Variants in RNF17 observed in about 807,000 individuals in gnomAD.
RNF17 encodes spermatogenesis associated 23.
Under a neutral mutation model 200.5 loss-of-function variants are expected in RNF17, and 31 were observed. That is an observed-to-expected ratio of 0.15 (90% confidence interval 0.12 to 0.21). The LOEUF (loss-of-function observed/expected upper bound fraction) is 0.21. Among genes scored for constraint, RNF17 ranks in the 10% least tolerant of loss-of-function variants. RNF17 has a pLI of 1.00. For missense variants in RNF17, 1,628 were observed against 1,905.1 expected, an observed-to-expected ratio of 0.85 and a Z score of 2.71; for synonymous variants, 606 against 637.8, an observed-to-expected ratio of 0.95 and a Z score of 0.75.
intron 2 of RNF17, among the ~76,000 whole-genome samples, chr13:24,772,426 A>ATTTTT (rs34066913): frequency 5.4e-4 from 57 of 105,978 alleles, no homozygotes; most frequent in Middle Eastern, 6.8e-3. Context: ...TTGAGTCTCC[A>ATTTTT]TTTTTTTTTT....
At chr13:24,785,956 A>AT (rs1228621791) in intron 6 of RNF17, among the ~76,000 whole-genome samples, 1 of 151,996 alleles carries the variant, frequency 6.6e-6, no homozygotes, top group East Asian at 1.9e-4. Flanking sequence ...GTTGGGTCAT[A>AT]TTTTTTATCC....
chr13:24,797,705 A>AGTTTGTGTGTCTCTGT (rs59493601), intron 11 of RNF17, among the ~76,000 whole-genome samples: 1 of 119,048 alleles, frequency 8.4e-6, no homozygotes, highest in African/African-American at 3.2e-5. Context: ...AGAGACAAAG[A>AGTTTGTGTGTCTCTGT]GTGTGTGTGT....
At position 24,863,456 on chromosome 13, in the gene RNF17, C is replaced by T. The variant is rs575274537; in HGVS notation, c.3975+663C>T. The stretch of plus-strand genomic sequence containing the variant: ...AATAGCATTCAGGAGAGGTAGGGGC[C>T]GGTTGGTGGGGTTGGTAGGGAGAGC... On this transcript the variant is annotated intron_variant, in intron 28 of 35. Transcript: ENST00000255324. Among the ~76,000 whole-genome samples, 31 of 151,998 alleles carry T rather than the reference C, an allele frequency of 2.0e-4. 1 individual carries two copies. Among genetic ancestry groups the T allele is most frequent in the African/African-American group, 6.5e-4 (27 of 41,454 alleles).
intron 15 of RNF17, among the ~76,000 whole-genome samples, chr13:24,808,367 G>T (rs1488849180): frequency 6.6e-6 from 1 of 151,232 alleles, no homozygotes; most frequent in Non-Finnish European, 1.5e-5. Context: ...CACATCCCTT[G>T]TAAGTTGGAT....
rs776154754 is a variant in RNF17, at chr13:24,870,593, T to C, written c.4301T>C (p.Ile1434Thr). The C allele has an allele frequency of 1.2e-6, 2 of 1,613,376 alleles. No homozygotes were observed. Among genetic ancestry groups the C allele is most frequent in the Non-Finnish European group, 1.7e-6 (2 of 1,179,724 alleles). Residue 1434 changes from isoleucine to threonine, a missense_variant, in exon 32 of 36, where the codon ATA becomes ACA. Physicochemically the swap from Ile to Thr is moderately conservative, Grantham distance 89. Around this residue, in one of 5 missense-constraint regions of RNF17, gnomAD observed 609 missense variants for 681.9 expected, o/e 0.89. Coordinates refer to ENST00000255324, the MANE Select transcript of RNF17 (RefSeq NM_031277.3). The part of the protein sequence containing the change: ...PNEVYICLDS[I>T]ETSNQSNQHS... Reference sequence around the variant, plus strand: ...TAGGTGTATATTTGCCTTGATTCTATAGAAACTTCTAACCAGTCTAACCAG... The same window carrying C: ...TAGGTGTATATTTGCCTTGATTCTACAGAAACTTCTAACCAGTCTAACCAG...
chr13:24,815,428 GGTGTGTGTGTGTGTGTGT>G (rs60054136), intron 15 of RNF17, among the ~76,000 whole-genome samples: 1,995 of 144,178 alleles, frequency 0.014, 50 homozygotes, highest in African/African-American at 0.047. Flanking sequence ...GCCCTAACGG[GGTGTGTGTGTGTGTGTGT>G]GTGTGTGTGT....
chr13:24,799,843 A>G (rs1225156061), intron 12 of RNF17, among the ~76,000 whole-genome samples: 3 of 152,174 alleles, frequency 2.0e-5, no homozygotes, highest in African/African-American at 7.2e-5. Context: ...GCAGGGAATA[A>G]TACACAAACT....
intron 15 of RNF17, among the ~76,000 whole-genome samples, chr13:24,808,783 G>T (rs1320975785): frequency 4.1e-5 from 4 of 98,218 alleles, no homozygotes; most frequent in Non-Finnish European, 8.1e-5. Flanking sequence ...CTGTGGGTTT[G>T]TCATAGATAG....
chr13:24,767,683 G>A (rs1228595684), intron 2 of RNF17, among the ~76,000 whole-genome samples: 2 of 151,348 alleles, frequency 1.3e-5, no homozygotes, highest in African/African-American at 4.9e-5. Flanking sequence ...GGGAGGTGGA[G>A]GCTGCAGTGA....
chr13:24,872,060 C>T (rs1445517391), intron 32 of RNF17, among the ~76,000 whole-genome samples: 1 of 147,748 alleles, frequency 6.8e-6, no homozygotes, highest in Non-Finnish European at 1.5e-5. Flanking sequence ...CCTTTGCCTC[C>T]CGGGTTCAAA....
At chr13:24,793,939 C>G (rs1422106604) in intron 10 of RNF17, among the ~76,000 whole-genome samples, 1 of 152,146 alleles carries the variant, frequency 6.6e-6, no homozygotes, top group Non-Finnish European at 1.5e-5. Context: ...TATTGGTTGA[C>G]TCTCCAGAAT....
downstream of RNF17, chr13:24,882,376 G>GTCTA (rs950128696): frequency 6.6e-6 from 1 of 151,920 alleles, no homozygotes; most frequent in African/African-American, 2.4e-5. Context: ...GACAGGTAAG[G>GTCTA]TCTATCTAGA....
chr13:24,814,485 A>G (rs1418749982), intron 15 of RNF17, among the ~76,000 whole-genome samples: 1 of 152,128 alleles, frequency 6.6e-6, no homozygotes, highest in Non-Finnish European at 1.5e-5. Context: ...CTTCTTCCCT[A>G]TGCTTTCTTC....
chr13:24,885,390 T>C, the RNF17 span: 6 of 1,593,428 alleles, frequency 3.8e-6, no homozygotes, highest in Admixed American at 5.0e-5. Flanking sequence ...AGGCAGCCTG[T>C]AAGCACAACA....
intron 18 of RNF17, among the ~76,000 whole-genome samples, chr13:24,835,590 C>T (rs1336584867): frequency 6.6e-6 from 1 of 151,878 alleles, no homozygotes; most frequent in Non-Finnish European, 1.5e-5. Context: ...TGTAGTTCAG[C>T]TCACAGGAAG....
chr13:24,796,161 G>A lies in RNF17; in HGVS notation c.1265G>A (p.Ser422Asn), dbSNP rs1884545442. ...VESSAELVFV[S>N]HVIDPCHFYI... ...GGTTCTGCAGAGCTAGTTTTTGTAA[G>A]CCATGTAATAGATCCTTGCCATTTC... is the stretch of plus-strand genomic sequence containing the variant. The change falls in exon 11 of 36, where the codon AGC (serine) becomes AAC (asparagine). Residue 422 changes from serine to asparagine, a missense_variant. This residue lies in a region of RNF17 where 502 missense variants were observed against 501.7 expected (regional missense o/e 1.00). Coordinates refer to ENST00000255324, the MANE Select transcript of RNF17 (RefSeq NM_031277.3). 6.2e-7 allele frequency: 1 copy of A among 1,608,842 alleles called. No individual in the cohort carries two copies. Among genetic ancestry groups the A allele is most frequent in the East Asian group, 2.2e-5 (1 of 44,730 alleles).
At chr13:24,771,321 A>ATTT (rs750139413) in intron 2 of RNF17, among the ~76,000 whole-genome samples, 10 of 72,924 alleles carry the variant, frequency 1.4e-4, no homozygotes, top group East Asian at 6.7e-4. Context: ...CACACAGATA[A>ATTT]TCTTTTTTTT....
intron 24 of RNF17, among the ~76,000 whole-genome samples, chr13:24,853,054 T>C (rs1974198): frequency 0.99 from 150,820 of 152,300 alleles, 74,693 homozygotes; most frequent in Middle Eastern, 1. Flanking sequence ...GCTGGGATTA[T>C]AGGCATGCGC....
chr13:24,829,720 T>C (rs1341179464), intron 16 of RNF17, among the ~76,000 whole-genome samples: 1 of 152,234 alleles, frequency 6.6e-6, no homozygotes, highest in Non-Finnish European at 1.5e-5. Context: ...ACTATGTATT[T>C]TGAGTATTTT....
Sources: allele counts gnomAD v4.1 joint callset (sites outside exome capture counted in the v4.1 genomes callset), GRCh38; gene constraint gnomAD v4.1.1; regional missense constraint gnomAD v4.1.1; transcripts MANE v1.5; gene names NCBI Gene and HGNC (gene_info 2026-07-23, HGNC 2026-07-21).